The following PLEKHA8 variants were observed in gnomAD, a reference collection of about 807,000 sequenced individuals.
The protein encoded by PLEKHA8 is pleckstrin homology domain-containing family A member 8.
Under a neutral mutation model 68.2 loss-of-function variants are expected in PLEKHA8, and 36 were observed. The observed-to-expected ratio is 0.53, with a 90% CI of 0.40 to 0.70. The LOEUF is 0.70. Ranked by LOEUF, PLEKHA8 falls within the 30% of genes least tolerant of loss-of-function variation. The pLI is 0.00. For synonymous variants in PLEKHA8, 211 were observed against 216.1 expected (o/e 0.98, Z 0.20); for missense variants, 505 against 615.4 (o/e 0.82, Z 1.90).
intron 12 of PLEKHA8, among the ~76,000 whole-genome samples, chr7:30,064,840 G>T (rs1280704638): frequency 6.6e-6 from 1 of 152,188 alleles, no homozygotes; most frequent in Non-Finnish European, 1.5e-5. Context: ...TGTGTGCCCA[G>T]TGGACTCCGC....
intron 13 of PLEKHA8, among the ~76,000 whole-genome samples, chr7:30,106,449 G>A (rs145026075): frequency 6.6e-6 from 1 of 152,142 alleles, no homozygotes; most frequent in Non-Finnish European, 1.5e-5. Flanking sequence ...ATAGCCACTT[G>A]TCTTGGAATC....
chr7:30,053,372 A>C (rs779305825), intron 7 of PLEKHA8, among the ~76,000 whole-genome samples: 1 of 152,206 alleles, frequency 6.6e-6, no homozygotes, highest in Non-Finnish European at 1.5e-5. Context: ...AATCACTGAA[A>C]TCTACTTTAG....
chr7:30,060,844 A>T, intron 9 of PLEKHA8, 40 bp from the exon 10 acceptor site: 3 of 1,558,776 alleles, frequency 1.9e-6, no homozygotes. Flanking sequence ...TGCCACTTAA[A>T]AATTGCTTTT....
chr7:30,047,976 T>C lies in PLEKHA8; in HGVS notation c.438+20T>C. 1 of 1,249,822 alleles carries C rather than the reference T, an allele frequency of 8.0e-7. No individual in the cohort carries two copies. The allele number at this position is 1,249,822 out of a possible 1,614,324, so 77.4% of individuals were successfully genotyped here. A position where few individuals can be genotyped will look rare whatever the true frequency, so the allele number is the denominator to read the frequency against. The stretch of plus-strand genomic sequence containing the variant: ...TCTGAGGTAAAATATTATTTATTAA[T>C]ATTATTAATATACATGAATAATATA... On this transcript the variant is annotated intron_variant, in intron 4 of 13. Transcript: ENST00000449726.
intron 1 of PLEKHA8, among the ~76,000 whole-genome samples, chr7:30,030,391 CTGT>C (rs1478738855): frequency 2.0e-5 from 3 of 151,972 alleles, no homozygotes; most frequent in Non-Finnish European, 4.4e-5. Flanking sequence ...AATGCTTTTG[CTGT>C]TGTTGTTGCT....
intron 13 of PLEKHA8, among the ~76,000 whole-genome samples, chr7:30,108,755 G>C (rs752801129): frequency 1.4e-4 from 22 of 152,184 alleles, no homozygotes; most frequent in African/African-American, 5.1e-4. Flanking sequence ...CCTAGAGAGA[G>C]AGACTTCACC....
intron 9 of PLEKHA8, 113 bp downstream of exon 9, chr7:30,055,455 A>C (rs575107124): frequency 1.1e-5 from 10 of 888,332 alleles, no homozygotes; most frequent in Non-Finnish European, 1.9e-5. Context: ...ACCCTTGGCT[A>C]TTTGTTCAAA....
At chr7:30,078,499 G>A in intron 13 of PLEKHA8, 91 bp from the exon 14 acceptor site, 2 of 1,340,542 alleles carry the variant, frequency 1.5e-6, no homozygotes, top group Non-Finnish European at 2.1e-6. Context: ...TTGTATGTGT[G>A]AAAGTATGTG....
Position 30,049,301 on chromosome 7 carries a change from C to A in PLEKHA8, c.516C>A (p.Ile172=). ...AGACCTTGGAAGAATGCATGCAGAT[C>A]GCAAATGCAGCCTTCACCTCTGAGC... ...FLKTLEECMQ[I]ANAAFTSELL... Residue 172 remains isoleucine (I), a synonymous_variant, in exon 5 of 14, where the codon ATC becomes ATA. Transcript: ENST00000449726. 1 of 1,614,072 alleles carries A rather than the reference C, an allele frequency of 6.2e-7. No individual in the cohort carries two copies. Among genetic ancestry groups the A allele is most frequent in the Non-Finnish European group, 8.5e-7 (1 of 1,180,012 alleles).
intron 13 of PLEKHA8, among the ~76,000 whole-genome samples, chr7:30,118,824 G>A (rs188409716): frequency 3.3e-5 from 5 of 151,912 alleles, no homozygotes; most frequent in East Asian, 1.9e-4. Context: ...TGATCCGCCC[G>A]TCTGAGGCCC....
chr7:30,122,265 A>G lies in PLEKHA8; in HGVS notation c.1363-7001A>G, dbSNP rs551991731. 5.9e-5 allele frequency among the ~76,000 whole-genome samples: 9 copies of G among 152,364 alleles called. No homozygotes were observed. The South Asian group carries it at 1.9e-3, about 32-fold the overall frequency. On this transcript the variant is annotated intron_variant, in intron 13 of 13. Transcript: ENST00000396257. Reference sequence around the variant, plus strand: ...GATCTCTTGGTGTCCTCACTGCCAAATATACATAGATCATACAAGACCCTA... The same window carrying G: ...GATCTCTTGGTGTCCTCACTGCCAAGTATACATAGATCATACAAGACCCTA...
chr7:30,084,526 A>T lies in PLEKHA8; in HGVS notation c.*5739A>T. The T allele has an allele frequency of 1.0e-6, 1 of 985,268 alleles. No homozygotes were observed. Among genetic ancestry groups the T allele is most frequent in the Non-Finnish European group, 1.2e-6 (1 of 829,924 alleles). 61.0% of individuals were successfully genotyped at this position (985,268 alleles called of 1,614,324 possible). ...TTAGATTTGTATTGTTTCTCTGTCC[A>T]AGTCCTTATTCTCTATCTTGTGGGG... On this transcript the variant is annotated 3_prime_UTR_variant, in exon 14 of 14. Coordinates refer to ENST00000449726, the MANE Select transcript of PLEKHA8 (RefSeq NM_001197026.2).
chr7:30,048,414 A>G (rs1792136160), intron 4 of PLEKHA8, among the ~76,000 whole-genome samples: 1 of 152,224 alleles, frequency 6.6e-6, no homozygotes, highest in Non-Finnish European at 1.5e-5. Flanking sequence ...TATGAGACTA[A>G]CAGTATTTTG....
chr7:30,060,643 TATAAG>T (rs916259452), intron 9 of PLEKHA8, among the ~76,000 whole-genome samples: 2 of 152,142 alleles, frequency 1.3e-5, no homozygotes, highest in Non-Finnish European at 2.9e-5. Context: ...ATCCTAAACT[TATAAG>T]ATTATCTTCA....
intron 12 of PLEKHA8, among the ~76,000 whole-genome samples, chr7:30,070,125 G>A (rs1309445539): frequency 6.8e-6 from 1 of 146,752 alleles, no homozygotes; most frequent in Admixed American, 6.8e-5. Context: ...AAGGACTTTG[G>A]GAAGTGTTTT....
intron 1 of PLEKHA8, among the ~76,000 whole-genome samples, chr7:30,032,298 C>G (rs1790727370): frequency 6.6e-6 from 1 of 152,212 alleles, no homozygotes; most frequent in African/African-American, 2.4e-5. Context: ...TTACTGCCAA[C>G]TGCAGGGTCA....
At chr7:30,075,056 C>T (rs1414845756) in intron 13 of PLEKHA8, 1 of 152,150 alleles carries the variant, frequency 6.6e-6, no homozygotes, top group Non-Finnish European at 1.5e-5. Context: ...AGAATGTACT[C>T]ACATTCTTTG....
intron 9 of PLEKHA8, among the ~76,000 whole-genome samples, chr7:30,058,247 G>A (rs980185548): frequency 6.6e-6 from 1 of 151,974 alleles, no homozygotes; most frequent in African/African-American, 2.4e-5. Context: ...AGCATGGCTT[G>A]CCTCCTCCTT....
intron 13 of PLEKHA8, among the ~76,000 whole-genome samples, chr7:30,109,852 T>C (rs183406953): frequency 1.6e-4 from 24 of 151,884 alleles, no homozygotes; most frequent in Middle Eastern, 3.4e-3. Flanking sequence ...TTAAATTTTA[T>C]GTAGAGATGG....
Sources: allele counts gnomAD v4.1 joint callset (sites outside exome capture counted in the v4.1 genomes callset), GRCh38; gene constraint gnomAD v4.1.1; transcripts MANE v1.5; gene names NCBI Gene and HGNC (gene_info 2026-07-23, HGNC 2026-07-21).